The following LIPA variants were observed in gnomAD, a reference collection of about 807,000 sequenced individuals.
LIPA encodes the protein lysosomal acid lipase/cholesteryl ester hydrolase.
Under a neutral mutation model 40.6 loss-of-function variants are expected in LIPA, and 26 were observed. That is an observed-to-expected ratio of 0.64 (90% CI 0.47 to 0.89). LIPA has a LOEUF of 0.89. Among genes scored for constraint, LIPA ranks in the 40% least tolerant of loss-of-function variants. LIPA has a pLI of 0.00. For synonymous variants in LIPA, 188 were observed against 168.4 expected (o/e 1.12, Z -0.90); for missense variants, 455 against 479.6 (o/e 0.95, Z 0.48).
chr10:89,390,691 AAAG>A (rs904378554), intron 2 of LIPA, among the ~76,000 whole-genome samples: 1 of 141,154 alleles, frequency 7.1e-6, no homozygotes, highest in Non-Finnish European at 1.6e-5. Flanking sequence ...TGTTTAGCCC[AAAG>A]AGACACTAAG....
At chr10:89,255,248 G>A (rs1001981187), upstream of LIPA, among the ~76,000 whole-genome samples, 5 of 152,304 alleles carry the variant, frequency 3.3e-5, no homozygotes, top group East Asian at 9.6e-4. Flanking sequence ...AGTTCCACGT[G>A]GCTAGGGAGG....
chr10:89,250,464 T>C lies in LIPA; in HGVS notation c.-2+1273A>G, dbSNP rs959135166. Among the ~76,000 whole-genome samples, 8 of 152,182 alleles carry C rather than the reference T, an allele frequency of 5.3e-5. No individual in the cohort carries two copies. In the East Asian group the frequency reaches 1.5e-3, roughly 29 times the overall value. ...GTGTGCATTGGCAAAGCAAGGCCAC[T>C]GCTTCTACTTACAACTTTGTACTTC... is the stretch of plus-strand genomic sequence containing the variant. On this transcript the variant is annotated intron_variant, in intron 1 of 9. Transcript: ENST00000336233.
At chr10:89,246,409 G>A (rs1346458761) in intron 2 of LIPA, among the ~76,000 whole-genome samples, 1 of 152,010 alleles carries the variant, frequency 6.6e-6, no homozygotes, top group Non-Finnish European at 1.5e-5. Context: ...GTAAATAAGT[G>A]CACATACCCT....
rs560861916 is a variant in LIPA at position 89,350,357 on chromosome 10, G to A, written c.61+62434C>T. Among the ~76,000 whole-genome samples the A allele has an allele frequency of 1.1e-3, 162 of 151,106 alleles. 2 individuals are homozygous for A. Among genetic ancestry groups the A allele is most frequent in the African/African-American group, 2.8e-3 (116 of 41,440 alleles). Reference sequence around the variant, plus strand: ...AGTCTTGCTCTGTGGCCAGGCTGGAGGGCAATGGCGCAATCTCGGCTCACT... The same window carrying A: ...AGTCTTGCTCTGTGGCCAGGCTGGAAGGCAATGGCGCAATCTCGGCTCACT... On this transcript the variant is annotated intron_variant, in intron 2 of 8. Coordinates refer to the LIPA transcript ENST00000371837.
upstream of LIPA, among the ~76,000 whole-genome samples, chr10:89,254,563 C>T (rs1843171775): frequency 6.6e-6 from 1 of 152,218 alleles, no homozygotes; most frequent in South Asian, 2.1e-4. Context: ...CTCTGACATG[C>T]CCTGTCAGAC....
chr10:89,267,806 A>G (rs936594300), intron 1 of LIPA, among the ~76,000 whole-genome samples: 2 of 151,932 alleles, frequency 1.3e-5, no homozygotes, highest in South Asian at 4.2e-4. Context: ...CATCCTTTCA[A>G]TCTCCTGCAG....
At chr10:89,350,577 T>C (rs548175288) in intron 2 of LIPA, among the ~76,000 whole-genome samples, 32 of 152,070 alleles carry the variant, frequency 2.1e-4, no homozygotes, top group African/African-American at 6.3e-4. Flanking sequence ...ATTGCTGGGA[T>C]TATAGGTGTG....
chr10:89,383,309 A>G (rs995018818), intron 2 of LIPA: 16 of 1,598,886 alleles, frequency 1.0e-5, no homozygotes, highest in African/African-American at 6.8e-5. Context: ...ATTGCTGCCT[A>G]TTTTTACAGT....
At chr10:89,228,419 A>G in intron 3 of LIPA, 21 bp from the exon 4 acceptor site, 2 of 1,600,266 alleles carry the variant, frequency 1.2e-6, no homozygotes, top group Non-Finnish European at 1.7e-6. Context: ...TTCATTGTTT[A>G]GGAGGCAGTA....
intron 2 of LIPA, among the ~76,000 whole-genome samples, chr10:89,397,778 A>G (rs1317354955): frequency 6.6e-6 from 1 of 152,206 alleles, no homozygotes; most frequent in African/African-American, 2.4e-5. Flanking sequence ...CCAATTTACA[A>G]AAACACTTTG....
Position 89,214,814 on chromosome 10 carries a change from C to A in LIPA, c.*14G>T. ...TAATCATTGACTTGGTGGTACACAG[C>A]TCAAGTCCAGCTTTCACTGATATTT... On this transcript the variant is annotated 3_prime_UTR_variant, in exon 10 of 10. Coordinates refer to ENST00000336233, the MANE Select transcript of LIPA (RefSeq NM_000235.4). 6.9e-7 allele frequency: 1 copy of A among 1,442,216 alleles called. No homozygotes were observed. The highest frequency in any genetic ancestry group is 9.8e-7 in the Non-Finnish European group (1 of 1,023,910). The allele number at this position is 1,442,216 out of a possible 1,614,324, so 89.3% of individuals were successfully genotyped here.
rs752093722 is a variant in LIPA at position 89,281,990 on chromosome 10, A to C, written c.-1-34341T>G. 1.6e-4 allele frequency among the ~76,000 whole-genome samples: 25 copies of C among 152,282 alleles called. 1 individual carries two copies. The highest frequency in any genetic ancestry group is 6.2e-4 in the South Asian group (3 of 4,828). On this transcript the variant is annotated intron_variant, in intron 1 of 5. Coordinates refer to the LIPA transcript ENST00000282673. Reference sequence around the variant, plus strand: ...GTTTTCCCTTTAGTGTTCCATGTGCATTCACATGCAGGGTCTACACTGTTG... The same window carrying C: ...GTTTTCCCTTTAGTGTTCCATGTGCCTTCACATGCAGGGTCTACACTGTTG...
chr10:89,294,640 A>G (rs116817899), intron 1 of LIPA, among the ~76,000 whole-genome samples: 108 of 152,362 alleles, frequency 7.1e-4, no homozygotes, highest in African/African-American at 2.6e-3. Flanking sequence ...AAACCACAGC[A>G]AGAAGAAATG....
intron 1 of LIPA, among the ~76,000 whole-genome samples, chr10:89,327,006 C>T (rs1843605820): frequency 6.6e-6 from 1 of 152,106 alleles, no homozygotes; most frequent in Non-Finnish European, 1.5e-5. Flanking sequence ...AAAGGTGGGA[C>T]AATTGGAAAC....
chr10:89,392,723 G>T, intron 2 of LIPA: 1 of 1,613,968 alleles, frequency 6.2e-7, no homozygotes, highest in Non-Finnish European at 8.5e-7. Flanking sequence ...ATGAGGTAAG[G>T]ATTTCTTTGC....
intron 1 of LIPA, chr10:89,309,122 C>T (rs1396753878): frequency 6.6e-6 from 1 of 152,244 alleles, no homozygotes; most frequent in African/African-American, 2.4e-5. Flanking sequence ...CCATCTGCCA[C>T]CTGCTACCAT....
rs1430373498 is a variant in LIPA at position 89,226,375 on chromosome 10, A to G, written c.538+520T>C. Among the ~76,000 whole-genome samples the G allele has an allele frequency of 2.0e-5, 3 of 152,246 alleles. No homozygotes were observed. In the East Asian group the frequency reaches 5.8e-4, roughly 29 times the overall value. ...GACAGGTTCCTAGTCCCTAATTACA[A>G]AAACTCTTGCTGACTAGAATTATGG... On this transcript the variant is annotated intron_variant, in intron 5 of 9. Transcript: ENST00000336233.
At chr10:89,403,276 A>G (rs74435957) in intron 2 of LIPA, 1 of 1,614,056 alleles carries the variant, frequency 6.2e-7, no homozygotes, top group African/African-American at 1.3e-5. Context: ...TCTGCAGTGG[A>G]AAAAAAGCCC....
chr10:89,290,542 G>A (rs1021152084), intron 1 of LIPA, among the ~76,000 whole-genome samples: 1 of 152,180 alleles, frequency 6.6e-6, no homozygotes, highest in African/African-American at 2.4e-5. Context: ...TATCCCCTGT[G>A]ACCTGCACGT....
Sources: allele counts gnomAD v4.1 joint callset (sites outside exome capture counted in the v4.1 genomes callset), GRCh38; gene constraint gnomAD v4.1.1; transcripts MANE v1.5; gene names NCBI Gene and HGNC (gene_info 2026-07-23, HGNC 2026-07-21).